Variants in PTPN12 observed in about 807,000 individuals in gnomAD.
PTPN12 encodes protein tyrosine phosphatase non-receptor type 12.
PTPN12 carries 29 observed loss-of-function variants against 97.6 expected under a neutral mutation model. That is an observed-to-expected ratio of 0.30 (90% CI 0.22 to 0.41). The LOEUF (loss-of-function observed/expected upper bound fraction) is 0.41, where lower values mean the gene tolerates loss of function less well. Among genes scored for constraint, PTPN12 ranks in the 10% least tolerant of loss-of-function variants. The probability of loss-of-function intolerance (pLI) is 1.00; values close to 1 mark genes in which losing one functional copy is unlikely to be tolerated. For missense variants in PTPN12, 819 were observed against 926.0 expected (o/e 0.88, Z 1.50); for synonymous variants, 327 against 300.4 (o/e 1.09, Z -0.91).
At chr7:77,576,343 A>G (rs1018224766) in intron 2 of PTPN12, among the ~76,000 whole-genome samples, 3 of 152,174 alleles carry the variant, frequency 2.0e-5, no homozygotes, top group Non-Finnish European at 4.4e-5. Flanking sequence ...TAGCAAAACC[A>G]TGGAGAGGAA....
chr7:77,596,566 A>G (rs1788029463), intron 6 of PTPN12, among the ~76,000 whole-genome samples: 1 of 152,098 alleles, frequency 6.6e-6, no homozygotes. Context: ...TTACGCCTCA[A>G]TGTCCAGCTA....
In PTPN12 at chr7:77,626,302, A is replaced by C. The variant is rs190252775; in HGVS notation, c.1026-403A>C. ...ACGACTGAGGTAATGAAAAATTACA[A>C]TATAACAGTATTGGAAAGATAGAGA... On this transcript the variant is annotated intron_variant, in intron 12 of 17. Coordinates refer to ENST00000248594, the MANE Select transcript of PTPN12 (RefSeq NM_002835.4). 5.7e-3 allele frequency among the ~76,000 whole-genome samples: 868 copies of C among 152,360 alleles called. 5 individuals carry two copies. The highest frequency in any genetic ancestry group is 9.4e-3 in the Admixed American group (144 of 15,298).
chr7:77,625,443 AG>A (rs1789101466), intron 12 of PTPN12, among the ~76,000 whole-genome samples: 1 of 116,424 alleles, frequency 8.6e-6, no homozygotes, highest in Non-Finnish European at 1.7e-5. Flanking sequence ...TTAAAGACAC[AG>A]GGTTTTGCCA....
intron 5 of PTPN12, among the ~76,000 whole-genome samples, chr7:77,591,967 G>A (rs775338253): frequency 1.4e-4 from 21 of 152,142 alleles, no homozygotes; most frequent in Non-Finnish European, 2.8e-4. Context: ...ATGCACTTAA[G>A]TCAGTAAGGT....
At chr7:77,549,546 G>A (rs1296632951) in intron 1 of PTPN12, among the ~76,000 whole-genome samples, 1 of 151,198 alleles carries the variant, frequency 6.6e-6, no homozygotes, top group African/African-American at 2.4e-5. Context: ...TTCTTGCAAG[G>A]AAATCCTGTT....
chr7:77,584,221 T>G (rs1489401924), intron 4 of PTPN12, among the ~76,000 whole-genome samples: 1 of 152,228 alleles, frequency 6.6e-6, no homozygotes, highest in Non-Finnish European at 1.5e-5. Flanking sequence ...TACTTTTCAT[T>G]GTGTGGATGT....
intron 8 of PTPN12, chr7:77,601,007 A>G (rs1376521152): frequency 2.0e-6 from 1 of 508,472 alleles, no homozygotes; most frequent in Non-Finnish European, 3.5e-6. Context: ...ACACAGGATC[A>G]TCTATTTGAA....
chr7:77,552,299 TG>T (rs1562706708), intron 1 of PTPN12, among the ~76,000 whole-genome samples: 2 of 141,446 alleles, frequency 1.4e-5, no homozygotes, highest in South Asian at 2.4e-4. Context: ...TTTTAAAGTA[TG>T]TTTTTTTTTT....
At chr7:77,624,390 G>A (rs1413789203) in intron 12 of PTPN12, among the ~76,000 whole-genome samples, 1 of 152,030 alleles carries the variant, frequency 6.6e-6, no homozygotes, top group African/African-American at 2.4e-5. Context: ...TCATGTCCTA[G>A]GAATGTGGGA....
chr7:77,605,546 A>G (rs942901545), intron 8 of PTPN12, among the ~76,000 whole-genome samples: 1 of 151,110 alleles, frequency 6.6e-6, no homozygotes, highest in African/African-American at 2.4e-5. Flanking sequence ...CAGCCTCCCA[A>G]GTAGCTGGGA....
At chr7:77,578,533 CTT>C (rs1406690532) in intron 2 of PTPN12, among the ~76,000 whole-genome samples, 1 of 152,098 alleles carries the variant, frequency 6.6e-6, no homozygotes, top group Non-Finnish European at 1.5e-5. Context: ...CTAAAGAAGA[CTT>C]TTTTAAAAGT....
intron 11 of PTPN12, among the ~76,000 whole-genome samples, chr7:77,614,882 A>C (rs1411799703): frequency 6.6e-6 from 1 of 152,216 alleles, no homozygotes; most frequent in African/African-American, 2.4e-5. Flanking sequence ...AGTTTTGTTT[A>C]AATGTTCTGT....
intron 13 of PTPN12, 54 bp downstream of exon 13, chr7:77,627,729 T>C (rs963659695): frequency 2.1e-6 from 3 of 1,437,868 alleles, no homozygotes; most frequent in Non-Finnish European, 2.8e-6. Context: ...TAGTCACTGT[T>C]TTAAGCACTT....
At position 77,578,491 on chromosome 7, in the gene PTPN12, A is replaced by G. The variant is rs537919655; in HGVS notation, c.209-2936A>G. Among the ~76,000 whole-genome samples, 8 of 152,362 alleles carry G rather than the reference A, an allele frequency of 5.3e-5. No homozygotes were observed. In the East Asian group the frequency reaches 1.3e-3, roughly 26 times the overall value. On this transcript the variant is annotated intron_variant, in intron 2 of 17. Coordinates refer to ENST00000248594, the MANE Select transcript of PTPN12 (RefSeq NM_002835.4). Reference sequence around the variant, plus strand: ...TGAATAATTTTCACCAGAAGCAAGTATATCTTCCTTATATGTGTCTTCTAC... The same window carrying G: ...TGAATAATTTTCACCAGAAGCAAGTGTATCTTCCTTATATGTGTCTTCTAC...
At chr7:77,556,846 A>T (rs1218478827) in intron 1 of PTPN12, among the ~76,000 whole-genome samples, 1 of 152,072 alleles carries the variant, frequency 6.6e-6, no homozygotes, top group Non-Finnish European at 1.5e-5. Context: ...AAAAATAAAA[A>T]TACAAAAAAA....
At chr7:77,624,239 C>A (rs949550234) in intron 12 of PTPN12, among the ~76,000 whole-genome samples, 5 of 151,706 alleles carry the variant, frequency 3.3e-5, no homozygotes, top group Admixed American at 2.0e-4. Flanking sequence ...TGTACTCCAG[C>A]CCAGGTGGCA....
intron 12 of PTPN12, among the ~76,000 whole-genome samples, chr7:77,620,871 C>A (rs757768460): frequency 1.3e-5 from 2 of 152,090 alleles, no homozygotes; most frequent in African/African-American, 2.4e-5. Flanking sequence ...TCGCTTGAAC[C>A]CAGGAAGCGA....
intron 16 of PTPN12, among the ~76,000 whole-genome samples, chr7:77,637,676 G>T (rs1789641779): frequency 6.6e-6 from 1 of 151,630 alleles, no homozygotes; most frequent in Non-Finnish European, 1.5e-5. Context: ...GAGCAACATG[G>T]TGAAACCCCG....
chr7:77,629,335 TAATG>T (rs1789316520), intron 13 of PTPN12, among the ~76,000 whole-genome samples: 1 of 152,236 alleles, frequency 6.6e-6, no homozygotes, highest in Non-Finnish European at 1.5e-5. Context: ...CTTTAGAAGA[TAATG>T]AATAGTATAA....
Sources: gnomAD v4.1 joint callset for allele counts (sites outside exome capture counted in the v4.1 genomes callset) on GRCh38, gnomAD v4.1.1 for gene constraint, MANE v1.5 for transcripts, NCBI Gene and HGNC (gene_info 2026-07-23, HGNC 2026-07-21) for gene names.